GPCPD1: variants seen among roughly 807,000 people sequenced by gnomAD.
The protein encoded by GPCPD1 is glycerophosphocholine phosphodiesterase GPCPD1.
In GPCPD1, 29 loss-of-function variants were observed where a neutral mutation model predicts 89.2. That is an observed-to-expected ratio of 0.33 (90% CI 0.24 to 0.44). The LOEUF is 0.44. Ranked by LOEUF, GPCPD1 falls within the 20% of genes least tolerant of loss-of-function variation. GPCPD1 has a pLI of 1.00. For missense variants in GPCPD1, 594 were observed against 808.9 expected (o/e 0.73, Z 3.22); for synonymous variants, 258 against 266.3 (o/e 0.97, Z 0.30).
intron 4 of GPCPD1, among the ~76,000 whole-genome samples, chr20:5,588,612 G>GTCAGGAGTTCGAGACCA (rs143293316): frequency 0.1 from 15,626 of 151,764 alleles, 1,326 homozygotes; most frequent in African/African-American, 0.23. Flanking sequence ...ATCACTTGAG[G>GTCAGGAGTTCGAGACCA]TCAGGAGTTC....
chr20:5,573,863 T>C (rs1986857081), intron 11 of GPCPD1, 52 bp downstream of exon 11: 1 of 922,330 alleles, frequency 1.1e-6, no homozygotes, highest in East Asian at 2.4e-5. Flanking sequence ...GGAGACTCCC[T>C]GATCCATATT....
In GPCPD1 at chr20:5,566,720, T is replaced by C. The variant is rs1986411166; in HGVS notation, c.1267+13A>G. On this transcript the variant is annotated intron_variant, in intron 14 of 19. Coordinates refer to ENST00000379019, the MANE Select transcript of GPCPD1 (RefSeq NM_019593.5). ...CTACAAAAGGAAAACAGTGTTTCCA[T>C]ATTGGTACATACCTTTCCGATCCTT... is the stretch of plus-strand genomic sequence containing the variant. The C allele has an allele frequency of 1.3e-6, 2 of 1,488,592 alleles. No homozygotes were observed. The highest frequency in any genetic ancestry group is 2.3e-5 in the South Asian group (2 of 88,308). 92.2% of individuals were successfully genotyped at this position (1,488,592 alleles called of 1,614,324 possible).
At chr20:5,599,587 C>T (rs777633537) in intron 2 of GPCPD1, among the ~76,000 whole-genome samples, 13 of 152,176 alleles carry the variant, frequency 8.5e-5, no homozygotes, top group South Asian at 2.1e-4. Context: ...TGGAGTTTTT[C>T]TCTGTTGCCT....
At chr20:5,551,145 C>G (rs1465045176) in intron 19 of GPCPD1, among the ~76,000 whole-genome samples, 2 of 152,086 alleles carry the variant, frequency 1.3e-5, no homozygotes, top group Admixed American at 1.3e-4. Context: ...AGTGTAGAAC[C>G]AGGAAATACA....
chr20:5,573,814 T>A, intron 11 of GPCPD1, 101 bp downstream of exon 11: 1 of 779,864 alleles, frequency 1.3e-6, no homozygotes, highest in South Asian at 1.4e-5. Flanking sequence ...TGAATATAAA[T>A]GCCAAGAGAT....
chr20:5,590,474 C>T (rs1223899289), intron 4 of GPCPD1, among the ~76,000 whole-genome samples: 3 of 145,962 alleles, frequency 2.1e-5, no homozygotes, highest in African/African-American at 5.1e-5. Context: ...ACCCAGGAGG[C>T]GGAGGTTGCA....
chr20:5,562,577 C>T (rs772929591), intron 15 of GPCPD1, among the ~76,000 whole-genome samples: 4 of 151,968 alleles, frequency 2.6e-5, no homozygotes, highest in Admixed American at 6.6e-5. Context: ...CCACTGTGCC[C>T]GGCAGATTAT....
At chr20:5,573,340 C>T (rs1004122797) in intron 11 of GPCPD1, among the ~76,000 whole-genome samples, 1 of 152,166 alleles carries the variant, frequency 6.6e-6, no homozygotes, top group Non-Finnish European at 1.5e-5. Flanking sequence ...CCCATCTCGG[C>T]CTCCCAAAGT....
chr20:5,604,524 C>T (rs1285081538), intron 1 of GPCPD1, 84 bp from the exon 2 acceptor site: 6 of 520,028 alleles, frequency 1.2e-5, no homozygotes, highest in South Asian at 1.1e-4. Context: ...CAACCAAGAG[C>T]TATTTATATT....
Position 5,546,968 on chromosome 20 carries a change from TC to T in GPCPD1, c.*692del, listed in dbSNP as rs1985059586. On this transcript the variant is annotated 3_prime_UTR_variant, in exon 20 of 20. Transcript: ENST00000379019. ...TACTAAGTATGCAATACATACTTTT[TC>T]TTACTAATATTTTATACATTAAATT... 6.5e-6 allele frequency: 1 copy of T among 152,680 alleles called. No homozygotes were observed. Among genetic ancestry groups the T allele is most frequent in the Non-Finnish European group, 1.5e-5 (1 of 68,040 alleles). 9.5% of individuals were successfully genotyped at this position (152,680 alleles called of 1,614,324 possible). A position where few individuals can be genotyped will look rare whatever the true frequency, so the allele number is the denominator to read the frequency against.
At chr20:5,595,528 C>T (rs1052064372) in intron 3 of GPCPD1, among the ~76,000 whole-genome samples, 2 of 152,118 alleles carry the variant, frequency 1.3e-5, no homozygotes, top group Non-Finnish European at 2.9e-5. Flanking sequence ...GTAATCCCAG[C>T]TACTCAGGAG....
intron 14 of GPCPD1, 138 bp from the exon 15 acceptor site, chr20:5,565,216 C>T (rs1056224284): frequency 1.6e-5 from 9 of 576,260 alleles, no homozygotes; most frequent in Admixed American, 3.2e-5. Context: ...GCATAAGTAA[C>T]TCTGAGATCC....
At chr20:5,557,598 C>G (rs927667327) in intron 19 of GPCPD1, among the ~76,000 whole-genome samples, 1 of 151,994 alleles carries the variant, frequency 6.6e-6, no homozygotes, top group Admixed American at 6.6e-5. Context: ...GTTGGAGATA[C>G]GTAAGTGTGA....
At chr20:5,575,616 T>G (rs746432884) in intron 9 of GPCPD1, 71 bp from the exon 10 acceptor site, 3 of 1,057,628 alleles carry the variant, frequency 2.8e-6, no homozygotes, top group Non-Finnish European at 2.8e-6. Context: ...CTACATTATA[T>G]TTAAATACCA....
Position 5,570,198 on chromosome 20 carries a change from G to A in GPCPD1, c.1098C>T (p.Asp366=), listed in dbSNP as rs898941307. ...GATCATGATATACCACGGGCACAAA[G>A]TCCTTTGAAAGGTGTACGTCAAATT... The part of the protein sequence containing the change: ...FVEFDVHLSK[D]FVPVVYHDLT... The change falls in exon 12 of 20, where the codon GAC becomes GAT. Residue 366 remains aspartate, a synonymous_variant. Transcript: ENST00000379019. 1 of 1,598,692 alleles carries A rather than the reference G, an allele frequency of 6.3e-7. No homozygotes were observed. The highest frequency in any genetic ancestry group is 1.7e-5 in the Admixed American group (1 of 59,696).
At chr20:5,584,476 A>G (rs187984540) in intron 5 of GPCPD1, 154 bp from the exon 6 acceptor site, 16 of 473,446 alleles carry the variant, frequency 3.4e-5, no homozygotes, top group Non-Finnish European at 5.8e-5. Context: ...TGTAGCCCTC[A>G]ATAAAGAATT....
intron 8 of GPCPD1, among the ~76,000 whole-genome samples, chr20:5,578,075 C>T (rs544567661): frequency 1.9e-4 from 29 of 152,330 alleles, no homozygotes; most frequent in African/African-American, 6.7e-4. Context: ...AAAGCCTGCC[C>T]TGGTCTCTAT....
chr20:5,557,361 G>C (rs1452802302), intron 19 of GPCPD1, among the ~76,000 whole-genome samples: 7 of 152,218 alleles, frequency 4.6e-5, no homozygotes, highest in African/African-American at 1.7e-4. Context: ...CTTTACTTGA[G>C]TGACAACAGT....
chr20:5,605,190 G>T (rs1980495718), intron 1 of GPCPD1, among the ~76,000 whole-genome samples: 1 of 152,114 alleles, frequency 6.6e-6, no homozygotes, highest in Non-Finnish European at 1.5e-5. Flanking sequence ...AATACACACT[G>T]TAAAACAAAG....
Sources: gnomAD v4.1 joint callset for allele counts (sites outside exome capture counted in the v4.1 genomes callset) on GRCh38, gnomAD v4.1.1 for gene constraint, MANE v1.5 for transcripts, NCBI Gene and HGNC (gene_info 2026-07-23, HGNC 2026-07-21) for gene names.